The following PSMB4 variants were observed in gnomAD, a reference collection of about 807,000 sequenced individuals.
The protein encoded by PSMB4 is proteasome 20S subunit beta 4.
Under a neutral mutation model 35.2 loss-of-function variants are expected in PSMB4, and 16 were observed. The ratio of observed to expected loss-of-function variants is 0.45; its 90% CI spans 0.31 to 0.69. The LOEUF is 0.69. Among genes scored for constraint, PSMB4 ranks in the 30% least tolerant of loss-of-function variants. The pLI, the probability that PSMB4 is intolerant of heterozygous loss-of-function variation, is 0.06. For missense variants in PSMB4, 333 were observed against 351.8 expected (o/e 0.95, Z 0.43); for synonymous variants, 144 against 134.1 (o/e 1.07, Z -0.51).
At position 151,399,667 on chromosome 1, in the gene PSMB4, C is replaced by T. The variant is rs1286156033; in HGVS notation, c.80C>T (p.Thr27Ile). Residue 27 changes from threonine to isoleucine, a missense_variant, in exon 1 of 7, where the codon ACT (threonine) becomes ATT (isoleucine). Transcript: ENST00000290541. The stretch of plus-strand genomic sequence containing the variant: ...GGACAGTTTTACCGCATTCCGTCCA[C>T]TCCCGATTCCTTCATGGATCCGGCG... Reference protein sequence around the residue: ...APGQFYRIPSTPDSFMDPASA... With the variant: ...APGQFYRIPSIPDSFMDPASA... The T allele has an allele frequency of 6.2e-7, 1 of 1,614,192 alleles. No individual in the cohort carries two copies. The highest frequency in any genetic ancestry group is 1.7e-5 in the Admixed American group (1 of 60,026).
rs539703644 is a variant in PSMB4, at chr1:151,401,253, A to T, written c.591A>T (p.Glu197Asp). The T allele has an allele frequency of 2.5e-6, 4 of 1,614,078 alleles. No individual in the cohort carries two copies. In the South Asian group the frequency reaches 4.4e-5, roughly 18 times the overall value. Residue 197 changes from glutamate to aspartate, a missense_variant, in exon 5 of 7, where the codon GAA (glutamate) becomes GAT (aspartate). By Grantham distance (45) the Glu-to-Asp change is conservative. Transcript: ENST00000290541. ...AATCTCCCTAGCCTCTGCTGCGAGAAGTTCTGGAGAAGCAGCCAGTGCTAA... is the reference window on the plus strand; with the variant it reads ...AATCTCCCTAGCCTCTGCTGCGAGATGTTCTGGAGAAGCAGCCAGTGCTAA... ...GAYLAQPLLR[E>D]VLEKQPVLSQ...
Position 151,400,133 on chromosome 1 carries a change from C to A in PSMB4, c.293C>A (p.Ala98Asp). Reference sequence around the variant, plus strand: ...GTCAACAACAGTACCATGCTGGGTGCCTCTGGCGACTACGCTGATTTCCAG... The same window carrying A: ...GTCAACAACAGTACCATGCTGGGTGACTCTGGCGACTACGCTGATTTCCAG... ...MRVNNSTMLG[A>D]SGDYADFQYL... Residue 98 changes from alanine to aspartate, a missense_variant, in exon 2 of 7, where the codon GCC becomes GAC. By Grantham distance (126) the Ala-to-Asp change is moderately radical. Coordinates refer to ENST00000290541, the MANE Select transcript of PSMB4 (RefSeq NM_002796.3). 1.9e-6 allele frequency: 3 copies of A among 1,614,164 alleles called. No individual in the cohort carries two copies. Among genetic ancestry groups the A allele is most frequent in the Non-Finnish European group, 2.5e-6 (3 of 1,180,028 alleles).
chr1:151,400,540 A>G lies in PSMB4; in HGVS notation c.446A>G (p.Asn149Ser). The change falls in exon 3 of 7, where the codon AAC becomes AGC. Residue 149 changes from asparagine (N) to serine (S), a missense_variant. Coordinates refer to ENST00000290541, the MANE Select transcript of PSMB4 (RefSeq NM_002796.3). ...ATGTACAGCCGGCGCTCGAAGATGA[A>G]CCCTTTGTGGAACACCATGGTCATC... ...RAMYSRRSKM[N>S]PLWNTMVIGG... 6.2e-7 allele frequency: 1 copy of G among 1,614,050 alleles called. No homozygotes were observed.
chr1:151,399,993 G>T lies in PSMB4; in HGVS notation c.153G>T (p.Val51=). 1.2e-6 allele frequency: 2 copies of T among 1,613,840 alleles called. No homozygotes were observed. Among genetic ancestry groups the T allele is most frequent in the South Asian group, 2.2e-5 (2 of 91,034 alleles). Reference sequence around the variant, plus strand: ...TCTCACTCTTTAGGAACCCCATGGTGACCGGGACCTCAGTCCTCGGCGTTA... The same window carrying T: ...TCTCACTCTTTAGGAACCCCATGGTTACCGGGACCTCAGTCCTCGGCGTTA... ...GPITRTQNPM[V]TGTSVLGVKF... The change falls in exon 2 of 7, where the codon GTG becomes GTT. Residue 51 remains valine, a synonymous_variant. Coordinates refer to ENST00000290541, the MANE Select transcript of PSMB4 (RefSeq NM_002796.3).
chr1:151,399,828 G>A (rs1487206818), intron 1 of PSMB4, 101 bp downstream of exon 1: 1 of 1,595,744 alleles, frequency 6.3e-7, no homozygotes, highest in Non-Finnish European at 8.5e-7. Context: ...GGGACCCCGG[G>A]GGCGCGCGAA....
At chr1:151,401,763 A>G (rs1050580728) in intron 6 of PSMB4, 54 bp from the exon 7 acceptor site, 36 of 1,581,730 alleles carry the variant, frequency 2.3e-5, no homozygotes, top group Non-Finnish European at 3.0e-5. Context: ...AGCTATTTTT[A>G]GGAATTGATC....
Position 151,401,859 on chromosome 1 carries a change from T to C in PSMB4, c.*30T>C. 6.2e-7 allele frequency: 1 copy of C among 1,601,050 alleles called. No individual in the cohort carries two copies. Among genetic ancestry groups the C allele is most frequent in the East Asian group, 2.2e-5 (1 of 44,832 alleles). ...CAGATGCATTATCCAGAACTGAAGTTGCCCTACTTTTAACTTTGAACTTGG... is the reference window on the plus strand; with the variant it reads ...CAGATGCATTATCCAGAACTGAAGTCGCCCTACTTTTAACTTTGAACTTGG... On this transcript the variant is annotated 3_prime_UTR_variant, in exon 7 of 7. Transcript: ENST00000290541.
At chr1:151,401,757 A>G (rs1363706205) in intron 6 of PSMB4, 60 bp from the exon 7 acceptor site, 33 of 1,576,930 alleles carry the variant, frequency 2.1e-5, no homozygotes, top group East Asian at 6.7e-5. Context: ...CAGTACAGCT[A>G]TTTTTAGGAA....
At chr1:151,400,939 T>C in intron 4 of PSMB4, 94 bp downstream of exon 4, 1 of 1,289,808 alleles carries the variant, frequency 7.8e-7, no homozygotes, top group African/African-American at 1.5e-5. Flanking sequence ...ATATGAGGGA[T>C]GGGCTGGGAT....
intron 1 of PSMB4, 74 bp from the exon 2 acceptor site, chr1:151,399,905 CAG>C: frequency 6.5e-7 from 1 of 1,547,480 alleles, no homozygotes; most frequent in Non-Finnish European, 8.9e-7. Context: ...TATAGAAAAT[CAG>C]AAGCGCAGCT....
rs1287808744 is a variant in PSMB4, at chr1:151,401,841, A to C, written c.*12A>C. On this transcript the variant is annotated 3_prime_UTR_variant, in exon 7 of 7. Coordinates refer to ENST00000290541, the MANE Select transcript of PSMB4 (RefSeq NM_002796.3). ...GTGGCTTTGAATGAAATACAGATGCATTATCCAGAACTGAAGTTGCCCTAC... is the reference window on the plus strand; with the variant it reads ...GTGGCTTTGAATGAAATACAGATGCCTTATCCAGAACTGAAGTTGCCCTAC... The C allele has an allele frequency of 1.2e-6, 2 of 1,609,120 alleles. No homozygotes were observed. Among genetic ancestry groups the C allele is most frequent in the African/African-American group, 1.3e-5 (1 of 74,812 alleles).
In PSMB4 at chr1:151,401,839, G is replaced by A. The variant is rs1652855859; in HGVS notation, c.*10G>A. On this transcript the variant is annotated 3_prime_UTR_variant, in exon 7 of 7. Coordinates refer to ENST00000290541, the MANE Select transcript of PSMB4 (RefSeq NM_002796.3). Reference sequence around the variant, plus strand: ...TAGTGGCTTTGAATGAAATACAGATGCATTATCCAGAACTGAAGTTGCCCT... The same window carrying A: ...TAGTGGCTTTGAATGAAATACAGATACATTATCCAGAACTGAAGTTGCCCT... The A allele has an allele frequency of 6.2e-7, 1 of 1,609,518 alleles. No homozygotes were observed. The highest frequency in any genetic ancestry group is 8.5e-7 in the Non-Finnish European group (1 of 1,175,956).
intron 4 of PSMB4, 66 bp downstream of exon 4, chr1:151,400,911 T>G: frequency 6.8e-7 from 1 of 1,467,286 alleles, no homozygotes; most frequent in Non-Finnish European, 9.6e-7. Context: ...GGTTGTCTGC[T>G]TTTCTCCTGA....
At position 151,400,778 on chromosome 1, in the gene PSMB4, T is replaced by G; in HGVS notation, c.509T>G (p.Val170Gly). Residue 170 changes from valine to glycine, a missense_variant, in exon 4 of 7, where the codon GTG becomes GGG. By Grantham distance (109) the Val-to-Gly change is moderately radical. Transcript: ENST00000290541. ...TGTCCTGTTAGCTTCCTCGGTTATG[T>G]GGACATGCTTGGTGTAGCCTATGAA... The part of the protein sequence containing the change: ...YADGESFLGY[V>G]DMLGVAYEAP... The G allele has an allele frequency of 6.2e-7, 1 of 1,614,186 alleles. No individual in the cohort carries two copies. Among genetic ancestry groups the G allele is most frequent in the South Asian group, 1.1e-5 (1 of 91,088 alleles).
intron 1 of PSMB4, 118 bp downstream of exon 1, chr1:151,399,845 G>A (rs925578739): frequency 1.9e-6 from 3 of 1,567,286 alleles, no homozygotes; most frequent in African/African-American, 1.4e-5. Flanking sequence ...CGAACGGCAG[G>A]GGAGCTCAGG....
chr1:151,399,949 C>T (rs1427514266), intron 1 of PSMB4, 32 bp from the exon 2 acceptor site: 3 of 1,599,784 alleles, frequency 1.9e-6, no homozygotes. Context: ...AGTCCATCCC[C>T]CCTCTCAGCT....
At chr1:151,400,641 T>C (rs1317979392) in intron 3 of PSMB4, 53 bp downstream of exon 3, 3 of 1,612,782 alleles carry the variant, frequency 1.9e-6, no homozygotes, top group Non-Finnish European at 2.5e-6. Context: ...CTAGTACCTG[T>C]GTAGTATCTC....
Position 151,400,086 on chromosome 1 carries a change from C to T in PSMB4, c.246C>T (p.Arg82=), listed in dbSNP as rs774105446. The change falls in exon 2 of 7, where the codon CGC becomes CGT. Residue 82 remains arginine (R), a synonymous_variant. Transcript: ENST00000290541. ...CCTACGGCTCCTTGGCTCGTTTCCG[C>T]AACATCTCTCGCATTATGCGAGTCA... ...LGSYGSLARF[R]NISRIMRVNN... is the part of the protein sequence containing the mutation. The T allele has an allele frequency of 5.0e-6, 8 of 1,614,154 alleles. No individual in the cohort carries two copies. In the East Asian group the frequency reaches 1.8e-4, roughly 36 times the overall value.
rs1179085107 is a variant in PSMB4, at chr1:151,401,242, C to T, written c.580C>T (p.Leu194=). 4.3e-6 allele frequency: 7 copies of T among 1,614,010 alleles called. No homozygotes were observed. The highest frequency in any genetic ancestry group is 1.1e-5 in the South Asian group (1 of 91,084). ...TGYGAYLAQP[L]LREVLEKQPV... ...GGTTTTCCCCCAATCTCCCTAGCCT[C>T]TGCTGCGAGAAGTTCTGGAGAAGCA... Residue 194 remains leucine (L), a synonymous_variant, in exon 5 of 7, where the codon CTG becomes TTG. Coordinates refer to ENST00000290541, the MANE Select transcript of PSMB4 (RefSeq NM_002796.3).
Sources: gnomAD v4.1 joint callset for allele counts on GRCh38, gnomAD v4.1.1 for gene constraint, MANE v1.5 for transcripts, NCBI Gene and HGNC (gene_info 2026-07-23, HGNC 2026-07-21) for gene names.